EDC3: variants seen among roughly 807,000 people sequenced by gnomAD.
EDC3 encodes enhancer of mRNA-decapping protein 3.
EDC3 carries 20 observed loss-of-function variants against 41.8 expected under a neutral mutation model. That is an observed-to-expected ratio of 0.48 (90% CI 0.34 to 0.70). The LOEUF is 0.70. Ranked by LOEUF, EDC3 falls within the 30% of genes least tolerant of loss-of-function variation. The pLI, the probability that EDC3 is intolerant of heterozygous loss-of-function variation, is 0.01. For synonymous variants in EDC3, 206 were observed against 243.2 expected, an observed-to-expected ratio of 0.85 and a Z score of 1.42; for missense variants, 444 against 636.8, an observed-to-expected ratio of 0.70 and a Z score of 3.26.
rs562130834 is a variant in EDC3 at position 74,653,009 on chromosome 15, G to A, written c.820+2724C>T. Reference sequence around the variant, plus strand: ...AGCCTGGCCAACACGGTGAAACCTCGTCTCTACTAAACATACAAAAATTAG... The same window carrying A: ...AGCCTGGCCAACACGGTGAAACCTCATCTCTACTAAACATACAAAAATTAG... On this transcript the variant is annotated intron_variant, in intron 4 of 6. Coordinates refer to ENST00000315127, the MANE Select transcript of EDC3 (RefSeq NM_025083.5). Among the ~76,000 whole-genome samples, 79 of 152,100 alleles carry A rather than the reference G, an allele frequency of 5.2e-4. 1 individual carries two copies. The highest frequency in any genetic ancestry group is 1.8e-3 in the African/African-American group (74 of 41,532).
At chr15:74,666,540 C>T (rs531225366) in intron 3 of EDC3, among the ~76,000 whole-genome samples, 4 of 152,222 alleles carry the variant, frequency 2.6e-5, no homozygotes, top group African/African-American at 7.2e-5. Context: ...AGTCACAAAA[C>T]GACATGAATG....
intron 1 of EDC3, among the ~76,000 whole-genome samples, chr15:74,678,852 T>G (rs1026118467): frequency 1.4e-5 from 2 of 147,816 alleles, no homozygotes; most frequent in East Asian, 4.0e-4. Flanking sequence ...ATCACACCAT[T>G]GCACTACAGC....
Position 74,689,742 on chromosome 15 carries a change from T to C in EDC3, c.-19+6138A>G, listed in dbSNP as rs1229018555. On this transcript the variant is annotated intron_variant, in intron 1 of 6. Transcript: ENST00000315127. The stretch of plus-strand genomic sequence containing the variant: ...GGTTTCACCGTGTTAGCCAGGATGG[T>C]CTCGATCTCCTGACCTCATGATCCG... Among the ~76,000 whole-genome samples the C allele has an allele frequency of 2.6e-5, 4 of 152,164 alleles. 1 individual carries two copies. The highest frequency in any genetic ancestry group is 9.7e-5 in the African/African-American group (4 of 41,440).
chr15:74,656,092 G>A, intron 3 of EDC3, 24 bp from the exon 4 acceptor site: 1 of 1,592,888 alleles, frequency 6.3e-7, no homozygotes, highest in Non-Finnish European at 8.6e-7. Context: ...AGGGACTAAA[G>A]TCAGTGTATC....
intron 3 of EDC3, among the ~76,000 whole-genome samples, chr15:74,668,729 T>TGAAAGAAAGAAA (rs10660702): frequency 0.016 from 2,249 of 140,324 alleles, 48 homozygotes; most frequent in African/African-American, 0.039. Context: ...CAAAAATGAA[T>TGAAAGAAAGAAA]GAAAGAAAGA....
intron 3 of EDC3, among the ~76,000 whole-genome samples, chr15:74,667,462 GGGTGGAGGGA>G (rs1197310697): frequency 8.7e-6 from 1 of 115,356 alleles, no homozygotes. Flanking sequence ...GAGAGGGAGG[GGGTGGAGGGA>G]GGAGGAGGGA....
chr15:74,652,397 T>G (rs2062491760), intron 4 of EDC3, among the ~76,000 whole-genome samples: 1 of 151,788 alleles, frequency 6.6e-6, no homozygotes, highest in African/African-American at 2.4e-5. Flanking sequence ...CCGGCTCATT[T>G]TTTTGTATTT....
chr15:74,648,528 C>T (rs576605171), intron 4 of EDC3, among the ~76,000 whole-genome samples: 7 of 152,324 alleles, frequency 4.6e-5, no homozygotes, highest in African/African-American at 1.7e-4. Context: ...TGTGGCTTCA[C>T]CAGCTGCCTC....
intron 5 of EDC3, 45 bp downstream of exon 5, chr15:74,640,421 C>T: frequency 6.2e-7 from 1 of 1,601,504 alleles, no homozygotes; most frequent in Non-Finnish European, 8.5e-7. Flanking sequence ...CCAGGCAGAG[C>T]ATCCTTACTC....
chr15:74,688,066 TA>T (rs2062959336), intron 1 of EDC3, among the ~76,000 whole-genome samples: 2 of 152,348 alleles, frequency 1.3e-5, no homozygotes, highest in South Asian at 4.1e-4. Flanking sequence ...TTTAAAAATA[TA>T]ACCACTGAAT....
At chr15:74,688,642 A>C (rs962260040) in intron 1 of EDC3, among the ~76,000 whole-genome samples, 1 of 152,238 alleles carries the variant, frequency 6.6e-6, no homozygotes, top group Non-Finnish European at 1.5e-5. Context: ...ATGGTGGCTC[A>C]TGCCTGTAAT....
At chr15:74,672,268 CA>C (rs1567174508) in intron 2 of EDC3, among the ~76,000 whole-genome samples, 14 of 11,600 alleles carry the variant, frequency 1.2e-3, no homozygotes, top group African/African-American at 5.5e-3. Context: ...GACTCTGTCT[CA>C]AAAAAAAAAA....
chr15:74,652,323 G>C (rs1170439632), intron 4 of EDC3, among the ~76,000 whole-genome samples: 1 of 151,656 alleles, frequency 6.6e-6, no homozygotes, highest in Non-Finnish European at 1.5e-5. Context: ...CGCCTCCCAG[G>C]TTCACGCCAT....
At chr15:74,639,616 G>A (rs2062321893) in intron 5 of EDC3, 1 of 152,048 alleles carries the variant, frequency 6.6e-6, no homozygotes, top group Non-Finnish European at 1.5e-5. Context: ...TCATGAGGCT[G>A]AGGTGGGAGA....
chr15:74,658,757 G>A (rs1037951778), intron 3 of EDC3, among the ~76,000 whole-genome samples: 7 of 150,880 alleles, frequency 4.6e-5, no homozygotes, highest in Non-Finnish European at 8.9e-5. Flanking sequence ...TGGCTAACAC[G>A]GTGAAACCTT....
chr15:74,647,009 T>G (rs1255799004), intron 4 of EDC3, among the ~76,000 whole-genome samples: 1 of 134,538 alleles, frequency 7.4e-6, no homozygotes, highest in Non-Finnish European at 1.6e-5. Flanking sequence ...TTCCAGACCT[T>G]TTTTTTTTTT....
intron 4 of EDC3, chr15:74,642,969 C>T (rs757636701): frequency 6.6e-6 from 1 of 152,242 alleles, no homozygotes; most frequent in Non-Finnish European, 1.5e-5. Flanking sequence ...GTTGGTGAAT[C>T]AGCATATTTT....
intron 1 of EDC3, among the ~76,000 whole-genome samples, chr15:74,680,836 T>C (rs1382705521): frequency 6.6e-6 from 1 of 151,992 alleles, no homozygotes; most frequent in East Asian, 1.9e-4. Context: ...ATATTAGCAA[T>C]GAACACATGG....
At chr15:74,640,253 G>A in intron 5 of EDC3, 1 of 544,110 alleles carries the variant, frequency 1.8e-6, no homozygotes, top group South Asian at 2.7e-5. Context: ...AAGGCAGCTT[G>A]CCAGAAGAAT....
Sources: allele counts gnomAD v4.1 joint callset (sites outside exome capture counted in the v4.1 genomes callset), GRCh38; gene constraint gnomAD v4.1.1; transcripts MANE v1.5; gene names NCBI Gene and HGNC (gene_info 2026-07-23, HGNC 2026-07-21).